HS3ST2: variants seen among roughly 807,000 people sequenced by gnomAD.
HS3ST2 encodes heparan sulfate-glucosamine 3-sulfotransferase 2.
Under a neutral mutation model 26.3 loss-of-function variants are expected in HS3ST2, and 17 were observed. The ratio of observed to expected loss-of-function variants is 0.65; its 90% CI spans 0.44 to 0.97. The LOEUF (loss-of-function observed/expected upper bound fraction) is 0.97, where lower values mean the gene tolerates loss of function less well. HS3ST2 is among the 50% of genes least tolerant of loss of function. HS3ST2 has a pLI of 0.00. For missense variants in HS3ST2, 402 were observed against 501.2 expected, an observed-to-expected ratio of 0.80 and a Z score of 1.89; for synonymous variants, 237 against 219.2, an observed-to-expected ratio of 1.08 and a Z score of -0.72.
chr16:22,885,849 C>A (rs998929655), intron 1 of HS3ST2, among the ~76,000 whole-genome samples: 3 of 152,160 alleles, frequency 2.0e-5, no homozygotes, highest in Admixed American at 6.5e-5. Flanking sequence ...CCGGTCCACC[C>A]ACTGTGGTCA....
At chr16:22,836,320 CA>C (rs1367595282) in intron 1 of HS3ST2, among the ~76,000 whole-genome samples, 3 of 152,210 alleles carry the variant, frequency 2.0e-5, no homozygotes, top group Admixed American at 2.0e-4. Context: ...GGGTAATTTA[CA>C]AAAAAAGATT....
chr16:22,856,548 C>G (rs551682636), intron 1 of HS3ST2, among the ~76,000 whole-genome samples: 7 of 152,146 alleles, frequency 4.6e-5, no homozygotes, highest in Non-Finnish European at 1.0e-4. Flanking sequence ...CCATGCTTAT[C>G]CCCAAAACAC....
chr16:22,865,156 G>C (rs1411609770), intron 1 of HS3ST2, among the ~76,000 whole-genome samples: 1 of 150,944 alleles, frequency 6.6e-6, no homozygotes, highest in African/African-American at 2.4e-5. Context: ...CTTATTAAAA[G>C]TTGAAACCTC....
chr16:22,880,985 C>T (rs573711773), intron 1 of HS3ST2, among the ~76,000 whole-genome samples: 19 of 152,322 alleles, frequency 1.2e-4, no homozygotes, highest in African/African-American at 3.6e-4. Flanking sequence ...CTAGATGCAT[C>T]GCTGGACTTT....
At chr16:22,886,261 T>G (rs1902056591) in intron 1 of HS3ST2, among the ~76,000 whole-genome samples, 1 of 152,178 alleles carries the variant, frequency 6.6e-6, no homozygotes, top group African/African-American at 2.4e-5. Context: ...CAAATTGAAA[T>G]ATAGCTTTTT....
chr16:22,849,427 G>GC (rs915713173), intron 1 of HS3ST2, among the ~76,000 whole-genome samples: 1 of 151,966 alleles, frequency 6.6e-6, no homozygotes, highest in African/African-American at 2.4e-5. Context: ...TATCTTTTTT[G>GC]CGGGGGGGTA....
In HS3ST2 at chr16:22,892,874, T is replaced by C. The variant is rs140287706; in HGVS notation, c.486-22070T>C. On this transcript the variant is annotated intron_variant, in intron 1 of 1. Transcript: ENST00000261374. ...TAATATACTGATCCAATAGAAACTT[T>C]ATAGTTATTATGTCAAATTCAATTT... is the stretch of plus-strand genomic sequence containing the variant. Among the ~76,000 whole-genome samples, 184 of 152,338 alleles carry C rather than the reference T, an allele frequency of 1.2e-3. 5 individuals are homozygous for C. Among genetic ancestry groups the C allele is most frequent in the African/African-American group, 4.2e-3 (175 of 41,568 alleles).
rs56664558 is a variant in HS3ST2 at position 22,893,634 on chromosome 16, C to CTTT, written c.486-21297_486-21295dup. On this transcript the variant is annotated intron_variant, in intron 1 of 1. Coordinates refer to ENST00000261374, the MANE Select transcript of HS3ST2 (RefSeq NM_006043.2). ...CTTTTCTTTTTTCTTTTTTTCTTTT[C>CTTT]TTTTTTTTTTTTTTTAAATTTTTTG... 3.9e-3 allele frequency among the ~76,000 whole-genome samples: 505 copies of CTTT among 130,274 alleles called. 6 individuals carry two copies. The highest frequency in any genetic ancestry group is 0.014 in the African/African-American group (480 of 34,812). The allele number at this position is 130,274 out of a possible 152,430, so 85.5% of individuals were successfully genotyped here.
chr16:22,888,285 C>G (rs991416843), intron 1 of HS3ST2, among the ~76,000 whole-genome samples: 1 of 152,052 alleles, frequency 6.6e-6, no homozygotes. Context: ...TCAAGCCTAA[C>G]TGATCTGTGC....
chr16:22,842,582 T>C (rs938112997), intron 1 of HS3ST2, among the ~76,000 whole-genome samples: 1 of 152,182 alleles, frequency 6.6e-6, no homozygotes, highest in African/African-American at 2.4e-5. Context: ...TATATTTTTA[T>C]CAGAATACAT....
At position 22,815,457 on chromosome 16, in the gene HS3ST2, C is replaced by T. The variant is rs560358353; in HGVS notation, c.485+362C>T. On this transcript the variant is annotated intron_variant, in intron 1 of 1. Transcript: ENST00000261374. Reference sequence around the variant, plus strand: ...GCCTGAACACGGCACCATCCTAACCCTCTGTAGGTCTTTGCTGGTACCCAG... The same window carrying T: ...GCCTGAACACGGCACCATCCTAACCTTCTGTAGGTCTTTGCTGGTACCCAG... 5.9e-5 allele frequency among the ~76,000 whole-genome samples: 9 copies of T among 152,328 alleles called. No homozygotes were observed. The South Asian group carries it at 1.7e-3, about 28-fold the overall frequency.
intron 1 of HS3ST2, among the ~76,000 whole-genome samples, chr16:22,827,230 G>A (rs950490859): frequency 2.6e-5 from 4 of 152,206 alleles, no homozygotes; most frequent in African/African-American, 7.2e-5. Flanking sequence ...TATGTCCAGG[G>A]TGGAGTGCCC....
chr16:22,861,435 C>T (rs1186887441), intron 1 of HS3ST2, among the ~76,000 whole-genome samples: 1 of 151,750 alleles, frequency 6.6e-6, no homozygotes, highest in African/African-American at 2.4e-5. Flanking sequence ...TTCTGAGAGG[C>T]CTGGAGGACT....
At chr16:22,881,626 C>T (rs1040420756) in intron 1 of HS3ST2, among the ~76,000 whole-genome samples, 6 of 152,180 alleles carry the variant, frequency 3.9e-5, no homozygotes, top group Non-Finnish European at 7.3e-5. Flanking sequence ...ATGACTCTCA[C>T]GACAGAATCC....
In HS3ST2 at chr16:22,873,481, G is replaced by T. The variant is rs190793623; in HGVS notation, c.486-41463G>T. Among the ~76,000 whole-genome samples, 199 of 152,338 alleles carry T rather than the reference G, an allele frequency of 1.3e-3. 2 individuals carry two copies. Among genetic ancestry groups the T allele is most frequent in the Non-Finnish European group, 2.3e-3 (154 of 68,028 alleles). On this transcript the variant is annotated intron_variant, in intron 1 of 1. Transcript: ENST00000261374. Reference sequence around the variant, plus strand: ...GGGTAACAGATAAACTAGATTAGAAGAGTGAGAGCAATGGGAGATGGTTTT... The same window carrying T: ...GGGTAACAGATAAACTAGATTAGAATAGTGAGAGCAATGGGAGATGGTTTT...
intron 1 of HS3ST2, among the ~76,000 whole-genome samples, chr16:22,865,049 C>CAAAAAA (rs59256411): frequency 2.0e-5 from 1 of 50,034 alleles, no homozygotes; most frequent in Non-Finnish European, 4.7e-5. Flanking sequence ...GACCCTATCT[C>CAAAAAA]AAAAAAAAAA....
At chr16:22,879,020 C>A (rs1901954654) in intron 1 of HS3ST2, among the ~76,000 whole-genome samples, 1 of 152,184 alleles carries the variant, frequency 6.6e-6, no homozygotes, top group African/African-American at 2.4e-5. Flanking sequence ...CTGCAACCAT[C>A]TTAGAGGGAG....
intron 1 of HS3ST2, among the ~76,000 whole-genome samples, chr16:22,895,660 T>A (rs1902200957): frequency 6.6e-6 from 1 of 152,210 alleles, no homozygotes; most frequent in African/African-American, 2.4e-5. Flanking sequence ...TTAATATTAA[T>A]ACAATCCGTC....
At chr16:22,908,844 A>G (rs550280046) in intron 1 of HS3ST2, among the ~76,000 whole-genome samples, 2 of 152,334 alleles carry the variant, frequency 1.3e-5, no homozygotes, top group African/African-American at 4.8e-5. Context: ...GGAGGGGACA[A>G]ATATTCAAAC....
Sources: gnomAD v4.1 joint callset for allele counts (sites outside exome capture counted in the v4.1 genomes callset) on GRCh38, gnomAD v4.1.1 for gene constraint, MANE v1.5 for transcripts, NCBI Gene and HGNC (gene_info 2026-07-23, HGNC 2026-07-21) for gene names.